The following IFT57 variants were observed in gnomAD, a reference collection of about 807,000 sequenced individuals.
IFT57 encodes the protein intraflagellar transport 57, also known as intraflagellar transport protein 57 homolog.
IFT57 carries 59 observed loss-of-function variants against 56.8 expected under a neutral mutation model. The observed-to-expected ratio is 1.04, with a 90% CI of 0.84 to 1.29. IFT57 has a LOEUF of 1.29. Among genes scored for constraint, IFT57 ranks in the 50% most tolerant of loss-of-function variants. The pLI is 0.00. For synonymous variants in IFT57, 209 were observed against 186.1 expected (o/e 1.12, Z -1.00); for missense variants, 470 against 522.1 (o/e 0.90, Z 0.97).
intron 6 of IFT57, among the ~76,000 whole-genome samples, chr3:108,169,622 T>C (rs1164559501): frequency 6.6e-6 from 1 of 152,072 alleles, no homozygotes; most frequent in Non-Finnish European, 1.5e-5. Flanking sequence ...GTTTTAGGTT[T>C]TACATTTAAG....
intron 6 of IFT57, among the ~76,000 whole-genome samples, chr3:108,181,928 G>A (rs898063201): frequency 7.2e-5 from 11 of 152,000 alleles, no homozygotes; most frequent in African/African-American, 2.7e-4. Context: ...CAGAAAATCT[G>A]TAAGAATTAT....
At chr3:108,174,827 G>T (rs1279767094) in intron 6 of IFT57, among the ~76,000 whole-genome samples, 1 of 151,800 alleles carries the variant, frequency 6.6e-6, no homozygotes, top group Non-Finnish European at 1.5e-5. Flanking sequence ...AAGAAACATA[G>T]AATCTAGCTG....
chr3:108,178,017 T>C (rs1480169121), intron 6 of IFT57, among the ~76,000 whole-genome samples: 2 of 151,700 alleles, frequency 1.3e-5, no homozygotes, highest in Non-Finnish European at 2.9e-5. Context: ...ACATAAAAAA[T>C]TGTATTTCTA....
intron 6 of IFT57, among the ~76,000 whole-genome samples, chr3:108,183,983 T>C (rs1295240321): frequency 6.6e-6 from 1 of 152,182 alleles, no homozygotes; most frequent in Non-Finnish European, 1.5e-5. Context: ...ATGTAAAAAT[T>C]TAAAAAGTTT....
chr3:108,217,087 T>C (rs552856842), intron 3 of IFT57, among the ~76,000 whole-genome samples: 1 of 152,098 alleles, frequency 6.6e-6, no homozygotes, highest in African/African-American at 2.4e-5. Context: ...AAATAGCTCA[T>C]AGAGATTTGG....
chr3:108,215,306 A>C (rs2080365573), intron 3 of IFT57, among the ~76,000 whole-genome samples: 1 of 152,134 alleles, frequency 6.6e-6, no homozygotes, highest in Admixed American at 6.5e-5. Flanking sequence ...TCACATCTAT[A>C]ATCCCAGCAC....
intron 5 of IFT57, among the ~76,000 whole-genome samples, chr3:108,201,876 A>G (rs1479055977): frequency 6.6e-6 from 1 of 152,232 alleles, no homozygotes; most frequent in Non-Finnish European, 1.5e-5. Flanking sequence ...ATCTGAAATG[A>G]CATTTTTACT....
In IFT57 at chr3:108,161,207, T is replaced by C. The variant is rs1206356241; in HGVS notation, c.*1270A>G. The C allele has an allele frequency of 3.7e-5, 5 of 134,064 alleles. No homozygotes were observed. Among genetic ancestry groups the C allele is most frequent in the African/African-American group, 1.1e-4 (4 of 35,632 alleles). 8.3% of individuals were successfully genotyped at this position (134,064 alleles called of 1,614,324 possible). On this transcript the variant is annotated 3_prime_UTR_variant, in exon 11 of 11. Transcript: ENST00000264538. ...ATTTTAAAAAATGCTTATTTTCCCA[T>C]GGTGGGTTTTCTGCCTTTTTTTTTT...
Position 108,167,814 on chromosome 3 carries a change from T to C in IFT57, c.828A>G (p.Glu276=). 1 of 1,591,252 alleles carries C rather than the reference T, an allele frequency of 6.3e-7. No homozygotes were observed. The highest frequency in any genetic ancestry group is 8.6e-7 in the Non-Finnish European group (1 of 1,169,434). ...ATACCTTGGTCTCCTTTAGAGCAGA[T>C]TCAATTCCACTTCTGTGCTGGTGCA... ...DQMHQHRSGI[E]SALKETKGFL... is the part of the protein sequence containing the mutation. The change falls in exon 7 of 11, where the codon GAA becomes GAG. Residue 276 remains glutamate, a synonymous_variant. Coordinates refer to ENST00000264538, the MANE Select transcript of IFT57 (RefSeq NM_018010.4).
chr3:108,189,968 C>T (rs1560112833), intron 6 of IFT57, among the ~76,000 whole-genome samples: 1 of 152,050 alleles, frequency 6.6e-6, no homozygotes, highest in African/African-American at 2.4e-5. Context: ...TCTTTATCCT[C>T]ATTGTCTTCA....
chr3:108,173,018 C>T (rs572998529), intron 6 of IFT57, among the ~76,000 whole-genome samples: 4 of 151,774 alleles, frequency 2.6e-5, no homozygotes, highest in Non-Finnish European at 4.4e-5. Context: ...TATTCTTACC[C>T]TAACTTCTAG....
chr3:108,216,322 T>C (rs780555563), intron 3 of IFT57, among the ~76,000 whole-genome samples: 2 of 152,162 alleles, frequency 1.3e-5, no homozygotes, highest in African/African-American at 4.8e-5. Flanking sequence ...AAGATCTTAA[T>C]AGACATTTCT....
intron 6 of IFT57, among the ~76,000 whole-genome samples, chr3:108,177,177 C>G (rs532876335): frequency 6.6e-6 from 1 of 151,566 alleles, no homozygotes; most frequent in Admixed American, 6.6e-5. Context: ...ATTAATAATG[C>G]AATAAAAATG....
At chr3:108,190,181 C>T (rs1439939475) in intron 6 of IFT57, among the ~76,000 whole-genome samples, 1 of 152,134 alleles carries the variant, frequency 6.6e-6, no homozygotes, top group East Asian at 1.9e-4. Flanking sequence ...CTCAGATTAA[C>T]CTTGTTTTTG....
intron 6 of IFT57, among the ~76,000 whole-genome samples, chr3:108,172,538 G>A (rs1465254333): frequency 1.3e-5 from 2 of 151,976 alleles, no homozygotes; most frequent in East Asian, 1.9e-4. Flanking sequence ...ACTGAAGGCA[G>A]GTAGGGACCC....
chr3:108,169,525 A>G (rs1182701253), intron 6 of IFT57, among the ~76,000 whole-genome samples: 2 of 151,878 alleles, frequency 1.3e-5, no homozygotes, highest in African/African-American at 4.8e-5. Context: ...TTTTGTTGCC[A>G]TTGCTTTTGG....
intron 6 of IFT57, among the ~76,000 whole-genome samples, chr3:108,181,548 T>C (rs1368628481): frequency 1.3e-5 from 2 of 152,138 alleles, no homozygotes; most frequent in Non-Finnish European, 1.5e-5. Flanking sequence ...TGAGTAATCA[T>C]ACAAGCTGCT....
At chr3:108,200,493 CAA>C (rs1340350673) in intron 5 of IFT57, among the ~76,000 whole-genome samples, 2 of 151,898 alleles carry the variant, frequency 1.3e-5, no homozygotes, top group African/African-American at 4.8e-5. Context: ...TTAAAAAATA[CAA>C]AGTTATAGAA....
chr3:108,167,001 A>G lies in IFT57; in HGVS notation c.850-16T>C. On this transcript the variant is annotated splice_polypyrimidine_tract_variant and intron_variant, in intron 7 of 10. Transcript: ENST00000264538. ...CCAAAAATCCCTAGAAATTCCATGGAATTTGCAGATAGAAGAACTCACAAA... is the reference window on the plus strand; with the variant it reads ...CCAAAAATCCCTAGAAATTCCATGGGATTTGCAGATAGAAGAACTCACAAA... 1 of 1,601,684 alleles carries G rather than the reference A, an allele frequency of 6.2e-7. No homozygotes were observed. Among genetic ancestry groups the G allele is most frequent in the Non-Finnish European group, 8.5e-7 (1 of 1,174,082 alleles).
Sources: allele counts gnomAD v4.1 joint callset (sites outside exome capture counted in the v4.1 genomes callset), GRCh38; gene constraint gnomAD v4.1.1; transcripts MANE v1.5; gene names NCBI Gene and HGNC (gene_info 2026-07-23, HGNC 2026-07-21).